SND1: variants seen among roughly 807,000 people sequenced by gnomAD.
SND1 encodes the protein staphylococcal nuclease domain-containing protein 1.
SND1 carries 38 observed loss-of-function variants against 121.7 expected under a neutral mutation model. That is an observed-to-expected ratio of 0.31 (90% CI 0.24 to 0.41). SND1 has a LOEUF of 0.41. Among genes scored for constraint, SND1 ranks in the 10% least tolerant of loss-of-function variants. SND1 has a pLI of 1.00. For synonymous variants in SND1, 401 were observed against 447.4 expected, an observed-to-expected ratio of 0.90 and a Z score of 1.31; for missense variants, 868 against 1,184.6, an observed-to-expected ratio of 0.73 and a Z score of 3.92.
At chr7:127,773,849 A>T (rs1187355465) in intron 10 of SND1, among the ~76,000 whole-genome samples, 1 of 152,240 alleles carries the variant, frequency 6.6e-6, no homozygotes, top group African/African-American at 2.4e-5. Flanking sequence ...CTCTTTTATG[A>T]TGGTGGTTCC....
chr7:127,656,642 AG>A (rs1377720505), intron 1 of SND1, among the ~76,000 whole-genome samples: 2 of 152,174 alleles, frequency 1.3e-5, no homozygotes, highest in Non-Finnish European at 1.5e-5. Context: ...TGAAAAGTTC[AG>A]TGGGGACAGA....
At chr7:127,691,342 A>G (rs1457187392) in intron 2 of SND1, among the ~76,000 whole-genome samples, 2 of 151,988 alleles carry the variant, frequency 1.3e-5, no homozygotes, top group Non-Finnish European at 2.9e-5. Flanking sequence ...GGAGTTCGAG[A>G]CCAGCCTGGC....
rs564649200 is a variant in SND1, at chr7:128,083,501, C to T, written c.2111-1223C>T. ...CTGCAGCAGCTTAAGAGTGGACATA[C>T]ATCCCTGCATGCTTATGCAGTTTAT... On this transcript the variant is annotated intron_variant, in intron 18 of 23. Transcript: ENST00000354725. Among the ~76,000 whole-genome samples the T allele has an allele frequency of 3.3e-5, 5 of 152,360 alleles. No individual in the cohort carries two copies. In the East Asian group the frequency reaches 9.6e-4, roughly 29 times the overall value.
At chr7:127,734,147 A>G (rs928881201) in intron 10 of SND1, among the ~76,000 whole-genome samples, 1 of 152,070 alleles carries the variant, frequency 6.6e-6, no homozygotes, top group African/African-American at 2.4e-5. Context: ...TAGTGCAGTA[A>G]TATCTCTGCA....
intron 12 of SND1, among the ~76,000 whole-genome samples, chr7:127,863,514 T>C (rs1799415794): frequency 6.6e-6 from 1 of 152,216 alleles, no homozygotes; most frequent in South Asian, 2.1e-4. Context: ...CATATTACAG[T>C]GTGCTGCCTT....
At chr7:127,706,007 G>A (rs1041979438) in intron 8 of SND1, among the ~76,000 whole-genome samples, 3 of 152,206 alleles carry the variant, frequency 2.0e-5, no homozygotes, top group Non-Finnish European at 2.9e-5. Flanking sequence ...TAGGCCATTT[G>A]ATGTGGCACA....
intron 15 of SND1, among the ~76,000 whole-genome samples, chr7:127,933,265 C>T (rs984119501): frequency 5.3e-5 from 8 of 152,200 alleles, no homozygotes; most frequent in Non-Finnish European, 8.8e-5. Flanking sequence ...CTGCATCAGC[C>T]AGTTCCTGTG....
rs143928841 is a variant in SND1, at chr7:127,927,642, C to G, written c.1528-1546C>G. The stretch of plus-strand genomic sequence containing the variant: ...ACTGTTAGAGACACTGAGAATGGAT[C>G]GCTGTCTCTCTTTTTCTCTAAGAAT... On this transcript the variant is annotated intron_variant, in intron 14 of 23. Transcript: ENST00000354725. Among the ~76,000 whole-genome samples, 312 of 152,294 alleles carry G rather than the reference C, an allele frequency of 2.0e-3. 2 individuals are homozygous for G. The highest frequency in any genetic ancestry group is 0.017 in the Middle Eastern group (5 of 294).
At chr7:127,866,606 T>A (rs1799483343) in intron 12 of SND1, among the ~76,000 whole-genome samples, 1 of 152,162 alleles carries the variant, frequency 6.6e-6, no homozygotes, top group Non-Finnish European at 1.5e-5. Flanking sequence ...ATCCAAGCAT[T>A]TCGTACCTGC....
chr7:127,988,798 T>C lies in SND1; in HGVS notation c.1670-2149T>C, dbSNP rs1442851404. On this transcript the variant is annotated intron_variant, in intron 15 of 23. Transcript: ENST00000354725. ...CTACATCCCAGTTCTAGTCCCCAGT[T>C]CATAGCAGCCCCACCCAACAGCACC... Among the ~76,000 whole-genome samples the C allele has an allele frequency of 5.3e-5, 8 of 152,184 alleles. No individual in the cohort carries two copies. In the East Asian group the frequency reaches 9.6e-4, roughly 18 times the overall value.
chr7:127,939,010 A>G (rs971532329), intron 15 of SND1, among the ~76,000 whole-genome samples: 2 of 152,236 alleles, frequency 1.3e-5, no homozygotes, highest in Non-Finnish European at 2.9e-5. Flanking sequence ...TGAAGAAAAA[A>G]ATATTTTAAA....
At chr7:128,071,720 G>A (rs556134135) in intron 16 of SND1, among the ~76,000 whole-genome samples, 5 of 152,294 alleles carry the variant, frequency 3.3e-5, no homozygotes, top group African/African-American at 1.2e-4. Context: ...CACCGCATGG[G>A]GTTTGGCTAG....
chr7:127,709,289 T>G (rs1251708957), intron 9 of SND1, among the ~76,000 whole-genome samples: 2 of 152,186 alleles, frequency 1.3e-5, no homozygotes, highest in African/African-American at 4.8e-5. Flanking sequence ...TTAACATAGC[T>G]ACAGAATGAA....
At chr7:127,916,661 G>A (rs1049366953) in intron 14 of SND1, among the ~76,000 whole-genome samples, 5 of 152,152 alleles carry the variant, frequency 3.3e-5, no homozygotes, top group South Asian at 2.1e-4. Context: ...TAAATCAGGT[G>A]AGTATAATGT....
At chr7:127,833,339 C>G (rs1163701132) in intron 11 of SND1, among the ~76,000 whole-genome samples, 2 of 148,796 alleles carry the variant, frequency 1.3e-5, no homozygotes, top group Non-Finnish European at 3.0e-5. Context: ...GATGTTGGCT[C>G]GCCGCAACCT....
At chr7:128,075,806 T>G (rs993325835) in intron 17 of SND1, among the ~76,000 whole-genome samples, 5 of 152,112 alleles carry the variant, frequency 3.3e-5, no homozygotes, top group African/African-American at 9.7e-5. Context: ...ACATCAAGCC[T>G]CCTCCTCCCA....
intron 12 of SND1, among the ~76,000 whole-genome samples, chr7:127,887,603 C>T (rs1242996569): frequency 6.7e-6 from 1 of 150,358 alleles, no homozygotes; most frequent in Non-Finnish European, 1.5e-5. Flanking sequence ...TTATAACATT[C>T]TGTAAATAGC....
intron 16 of SND1, among the ~76,000 whole-genome samples, chr7:128,049,400 C>A (rs571577376): frequency 1.8e-4 from 28 of 152,168 alleles, no homozygotes; most frequent in Non-Finnish European, 3.7e-4. Context: ...AAACTGCCCC[C>A]ACTCCATCCC....
intron 1 of SND1, among the ~76,000 whole-genome samples, chr7:127,665,474 AC>A (rs1212182334): frequency 6.6e-6 from 1 of 152,164 alleles, no homozygotes; most frequent in African/African-American, 2.4e-5. Flanking sequence ...GGCGTGAGAC[AC>A]CGCGCCCGGC....
Sources: allele counts gnomAD v4.1 joint callset (sites outside exome capture counted in the v4.1 genomes callset), GRCh38; gene constraint gnomAD v4.1.1; transcripts MANE v1.5; gene names NCBI Gene and HGNC (gene_info 2026-07-23, HGNC 2026-07-21).